DRD5: variants seen among roughly 807,000 people sequenced by gnomAD.
DRD5 encodes the protein dopamine receptor D5.
For synonymous variants in DRD5, 327 were observed against 277.1 expected (o/e 1.18, Z -1.79); for missense variants, 758 against 657.8 (o/e 1.15, Z -1.67).
At position 9,782,604 on chromosome 4, in the gene DRD5, A is replaced by G. The variant is rs762189023; in HGVS notation, c.575A>G (p.Asp192Gly). Residue 192 changes from aspartate to glycine, a missense_variant, in exon 1 of 1, where the codon GAC (aspartate) becomes GGC (glycine). By Grantham distance (94) the Asp-to-Gly change is moderately conservative. Transcript: ENST00000304374. ...CAGGCGGCCTCTTGGGGCGGGCTGG[A>G]CCTGCCAAACAACCTGGCCAACTGG... ...RDQAASWGGLDLPNNLANWTP... is the reference protein window; with the variant it reads ...RDQAASWGGLGLPNNLANWTP... The G allele has an allele frequency of 8.1e-6, 13 of 1,613,822 alleles. No homozygotes were observed. The African/African-American group carries it at 1.6e-4, about 20-fold the overall frequency.
At position 9,782,659 on chromosome 4, in the gene DRD5, C is replaced by T. The variant is rs2227846; in HGVS notation, c.630C>T (p.Pro210=). 1.1e-5 allele frequency: 18 copies of T among 1,613,866 alleles called. No individual in the cohort carries two copies. The highest frequency in any genetic ancestry group is 2.2e-5 in the East Asian group (1 of 44,890). The change falls in exon 1 of 1, where the codon CCC becomes CCT. Residue 210 remains proline, a synonymous_variant. Coordinates refer to ENST00000304374, the MANE Select transcript of DRD5 (RefSeq NM_000798.5). ...CCTGGGAGGAGGACTTTTGGGAGCC[C>T]GACGTGAATGCAGAGAACTGTGACT... ...WTPWEEDFWE[P]DVNAENCDSS...
Position 9,782,064 on chromosome 4 carries a change from CG to C in DRD5, c.39del (p.Gln14SerfsTer34). The C allele has an allele frequency of 6.7e-7, 1 of 1,493,012 alleles. No individual in the cohort carries two copies. The highest frequency in any genetic ancestry group is 2.4e-5 in the Admixed American group (1 of 42,548). The allele number at this position is 1,493,012 out of a possible 1,614,324, so 92.5% of individuals were successfully genotyped here. A position where few individuals can be genotyped will look rare whatever the true frequency, so the allele number is the denominator to read the frequency against. ...CCAGGCAGCAACGGCACCGCGTACC[CG>C]GGGCAGTTCGCTCTATACCAGCAGC... The part of the protein sequence containing the change: ...LPPGSNGTAY[P>X]GQFALYQQLA... On this transcript the variant is annotated frameshift_variant, in exon 1 of 1. Transcript: ENST00000304374. LOFTEE classifies it low-confidence loss of function (END_TRUNC).
chr4:9,782,927 G>A lies in DRD5; in HGVS notation c.898G>A (p.Val300Met), dbSNP rs1718682737. 9 of 1,613,956 alleles carry A rather than the reference G, an allele frequency of 5.6e-6. No homozygotes were observed. The highest frequency in any genetic ancestry group is 7.6e-6 in the Non-Finnish European group (9 of 1,179,994). ...KETKVLKTLS[V>M]IMGVFVCCWL... ...GACCAAGGTTCTCAAGACCCTGTCG[G>A]TGATCATGGGGGTCTTCGTGTGTTG... Residue 300 changes from valine (V) to methionine (M), a missense_variant, in exon 1 of 1, where the codon GTG becomes ATG. Val to Met is a conservative substitution (Grantham distance 21). Transcript: ENST00000304374.
In DRD5 at chr4:9,783,629, G is replaced by A; in HGVS notation, c.*166G>A. ...TCACCCCATTGATTGGTAGTTCGAAGAATTGGCAGAAGCAGTTGCAATAAA... is the reference window on the plus strand; with the variant it reads ...TCACCCCATTGATTGGTAGTTCGAAAAATTGGCAGAAGCAGTTGCAATAAA... On this transcript the variant is annotated 3_prime_UTR_variant, in exon 1 of 1. Transcript: ENST00000304374. 3 of 691,118 alleles carry A rather than the reference G, an allele frequency of 4.3e-6. No homozygotes were observed. Among genetic ancestry groups the A allele is most frequent in the Non-Finnish European group, 7.3e-6 (3 of 413,538 alleles). 42.8% of individuals were successfully genotyped at this position (691,118 alleles called of 1,614,324 possible). A position where few individuals can be genotyped will look rare whatever the true frequency, so the allele number is the denominator to read the frequency against.
At position 9,783,367 on chromosome 4, in the gene DRD5, T is replaced by C; in HGVS notation, c.1338T>C (p.Asp446=). The change falls in exon 1 of 1, where the codon GAT becomes GAC. Residue 446 remains aspartate, a synonymous_variant. Coordinates refer to ENST00000304374, the MANE Select transcript of DRD5 (RefSeq NM_000798.5). ...RMFQIYQTSP[D]GDPVAESVWE... is the part of the protein sequence containing the mutation. The stretch of plus-strand genomic sequence containing the variant: ...TCCAGATCTATCAGACGTCCCCAGA[T>C]GGTGACCCTGTTGCTGAGTCTGTCT... The C allele has an allele frequency of 6.2e-7, 1 of 1,614,214 alleles. No individual in the cohort carries two copies. The highest frequency in any genetic ancestry group is 8.5e-7 in the Non-Finnish European group (1 of 1,180,032).
In DRD5 at chr4:9,782,978, T is replaced by C; in HGVS notation, c.949T>C (p.Cys317Arg). The C allele has an allele frequency of 6.2e-7, 1 of 1,614,164 alleles. No individual in the cohort carries two copies. Among genetic ancestry groups the C allele is most frequent in the Non-Finnish European group, 8.5e-7 (1 of 1,179,982 alleles). Residue 317 changes from cysteine (C) to arginine (R), a missense_variant, in exon 1 of 1, where the codon TGC (cysteine) becomes CGC (arginine). Transcript: ENST00000304374. ...CTGGCTGCCCTTCTTCATCCTTAAC[T>C]GCATGGTCCCTTTCTGCAGTGGACA... is the stretch of plus-strand genomic sequence containing the variant. ...CCWLPFFILN[C>R]MVPFCSGHPE...
Position 9,781,676 on chromosome 4 carries a change from G to T in DRD5, c.-354G>T, listed in dbSNP as rs539022301. ...CGCGACTGCCTGCCCCAGCCCCTCAGTGGCGGCTTGCTCTCTTCTCTCGCT... is the reference window on the plus strand; with the variant it reads ...CGCGACTGCCTGCCCCAGCCCCTCATTGGCGGCTTGCTCTCTTCTCTCGCT... On this transcript the variant is annotated 5_prime_UTR_variant, in exon 1 of 1. Coordinates refer to ENST00000304374, the MANE Select transcript of DRD5 (RefSeq NM_000798.5). 1 of 214,604 alleles carries T rather than the reference G, an allele frequency of 4.7e-6. No homozygotes were observed. The highest frequency in any genetic ancestry group is 2.3e-5 in the African/African-American group (1 of 44,034). 13.3% of individuals were successfully genotyped at this position (214,604 alleles called of 1,614,324 possible). A position where few individuals can be genotyped will look rare whatever the true frequency, so the allele number is the denominator to read the frequency against.
In DRD5 at chr4:9,781,937, G is replaced by A. The variant is rs1428360207; in HGVS notation, c.-93G>A. ...GGGCTCGAGGGTCCCTTGGCTGAGG[G>A]GGCGCATCCTCGGGGTGCCCGATGG... is the stretch of plus-strand genomic sequence containing the variant. On this transcript the variant is annotated 5_prime_UTR_variant, in exon 1 of 1. Coordinates refer to ENST00000304374, the MANE Select transcript of DRD5 (RefSeq NM_000798.5). 2 of 1,131,770 alleles carry A rather than the reference G, an allele frequency of 1.8e-6. No homozygotes were observed. The highest frequency in any genetic ancestry group is 5.6e-5 in the East Asian group (2 of 35,472). The allele number at this position is 1,131,770 out of a possible 1,614,324, so 70.1% of individuals were successfully genotyped here. A position where few individuals can be genotyped will look rare whatever the true frequency, so the allele number is the denominator to read the frequency against.
At position 9,782,245 on chromosome 4, in the gene DRD5, C is replaced by T. The variant is rs746485772; in HGVS notation, c.216C>T (p.Arg72=). The T allele has an allele frequency of 3.1e-6, 5 of 1,613,560 alleles. No individual in the cohort carries two copies. Among genetic ancestry groups the T allele is most frequent in the Admixed American group, 1.7e-5 (1 of 60,018 alleles). Residue 72 remains arginine, a synonymous_variant, in exon 1 of 1, where the codon CGC becomes CGT. Transcript: ENST00000304374. Reference sequence around the variant, plus strand: ...CCATCGTGCGGAGCCGCCACCTGCGCGCCAACATGACCAACGTCTTCATCG... The same window carrying T: ...CCATCGTGCGGAGCCGCCACCTGCGTGCCAACATGACCAACGTCTTCATCG... ...CAAIVRSRHL[R]ANMTNVFIVS... is the part of the protein sequence containing the mutation.
Position 9,782,663 on chromosome 4 carries a change from G to T in DRD5, c.634G>T (p.Val212Leu). The T allele has an allele frequency of 3.1e-6, 5 of 1,614,026 alleles. No individual in the cohort carries two copies. The highest frequency in any genetic ancestry group is 4.2e-6 in the Non-Finnish European group (5 of 1,179,876). Residue 212 changes from valine (V) to leucine (L), a missense_variant, in exon 1 of 1, where the codon GTG (valine) becomes TTG (leucine). Coordinates refer to ENST00000304374, the MANE Select transcript of DRD5 (RefSeq NM_000798.5). ...PWEEDFWEPD[V>L]NAENCDSSLN... ...GGAGGAGGACTTTTGGGAGCCCGAC[G>T]TGAATGCAGAGAACTGTGACTCCAG...
Position 9,782,449 on chromosome 4 carries a change from GGCCATCTCCAGGCCCTTCCGCTACAAGC to G in DRD5, c.423_450del (p.Ile142ArgfsTer2). 1 of 1,613,964 alleles carries G rather than the reference GGCCATCTCCAGGCCCTTCCGCTACAAGC, an allele frequency of 6.2e-7. No homozygotes were observed. The highest frequency in any genetic ancestry group is 8.5e-7 in the Non-Finnish European group (1 of 1,179,838). ...GCGTCATCAGCGTGGACCGCTACTG[GGCCATCTCCAGGCCCTTCCGCTACAAGC>G]GCAAGATGACTCAGCGCATGGCCTT... On this transcript the variant is annotated frameshift_variant, in exon 1 of 1. Coordinates refer to ENST00000304374, the MANE Select transcript of DRD5 (RefSeq NM_000798.5). LOFTEE classifies it low-confidence loss of function (END_TRUNC).
Sources: allele counts gnomAD v4.1 joint callset, GRCh38; gene constraint gnomAD v4.1.1; transcripts MANE v1.5; gene names NCBI Gene and HGNC (gene_info 2026-07-23, HGNC 2026-07-21).